SKAP1: variants seen among roughly 807,000 people sequenced by gnomAD.
SKAP1 encodes src kinase-associated phosphoprotein 1.
Under a neutral mutation model 58.5 loss-of-function variants are expected in SKAP1, and 44 were observed. The ratio of observed to expected loss-of-function variants is 0.75; its 90% CI spans 0.59 to 0.97. The LOEUF (loss-of-function observed/expected upper bound fraction) is 0.97, where lower values mean the gene tolerates loss of function less well. Among genes scored for constraint, SKAP1 ranks in the 50% least tolerant of loss-of-function variants. The pLI is 0.00. For synonymous variants in SKAP1, 127 were observed against 149.7 expected, an observed-to-expected ratio of 0.85 and a Z score of 1.11; for missense variants, 390 against 435.2, an observed-to-expected ratio of 0.90 and a Z score of 0.92.
At chr17:48,169,703 G>T (rs1393049910) in intron 10 of SKAP1, among the ~76,000 whole-genome samples, 1 of 152,118 alleles carries the variant, frequency 6.6e-6, no homozygotes, top group Non-Finnish European at 1.5e-5. Flanking sequence ...CTAGAAATGG[G>T]GGTTTTGCTG....
intron 9 of SKAP1, among the ~76,000 whole-genome samples, chr17:48,173,838 A>G (rs1469917113): frequency 6.6e-6 from 1 of 152,210 alleles, no homozygotes. Context: ...AAGCTTCACC[A>G]AAGATCTTTT....
intron 4 of SKAP1, chr17:48,344,313 C>G (rs2066693711): frequency 2.1e-6 from 1 of 483,722 alleles, no homozygotes; most frequent in Non-Finnish European, 2.7e-6. Context: ...ATTTGAAGCT[C>G]TACTGTGGGC....
In SKAP1 at chr17:48,178,568, A is replaced by G. The variant is rs557658477; in HGVS notation, c.826+1486T>C. 1.3e-4 allele frequency among the ~76,000 whole-genome samples: 20 copies of G among 152,244 alleles called. 1 individual carries two copies. The highest frequency in any genetic ancestry group is 2.9e-5 in the Non-Finnish European group (2 of 68,010). On this transcript the variant is annotated intron_variant, in intron 9 of 12. Transcript: ENST00000336915. ...AGCTGTGTTTTAATGTAGCAATTTG[A>G]TTCAATTTTCCACTCTATAAAATTA...
intron 2 of SKAP1, 77 bp downstream of exon 2, chr17:48,396,603 C>G: frequency 1.1e-6 from 1 of 938,874 alleles, no homozygotes; most frequent in Non-Finnish European, 1.7e-6. Flanking sequence ...GTATGTCTTA[C>G]CTTGTGACTT....
chr17:48,287,328 A>C (rs1191460392), intron 4 of SKAP1, among the ~76,000 whole-genome samples: 1 of 151,982 alleles, frequency 6.6e-6, no homozygotes, highest in East Asian at 1.9e-4. Flanking sequence ...TCTAATAAGC[A>C]ACCTAGGCTT....
chr17:48,367,758 A>G (rs1463021390), intron 2 of SKAP1, among the ~76,000 whole-genome samples: 1 of 151,524 alleles, frequency 6.6e-6, no homozygotes, highest in Non-Finnish European at 1.5e-5. Context: ...TCTCTACAAA[A>G]GGTATAAAAA....
intron 4 of SKAP1, among the ~76,000 whole-genome samples, chr17:48,273,207 G>C (rs937385032): frequency 2.8e-4 from 42 of 152,220 alleles, no homozygotes; most frequent in Middle Eastern, 6.8e-3. Flanking sequence ...TTACACTCCT[G>C]CAATTCCCAA....
chr17:48,376,155 G>T (rs7224936), intron 2 of SKAP1, among the ~76,000 whole-genome samples: 14,085 of 151,970 alleles, frequency 0.093, 1,001 homozygotes, highest in African/African-American at 0.17. Context: ...TTTTTTGCTT[G>T]CTTCAGGTTA....
chr17:48,435,378 G>C, the SKAP1 span, among the ~76,000 whole-genome samples: 1 of 152,154 alleles, frequency 6.6e-6, no homozygotes, highest in Non-Finnish European at 1.5e-5. Flanking sequence ...GGGATCTGAA[G>C]TGGAGATGGG....
chr17:48,146,501 A>AG (rs1263106436), intron 11 of SKAP1, among the ~76,000 whole-genome samples: 1 of 151,724 alleles, frequency 6.6e-6, no homozygotes, highest in African/African-American at 2.4e-5. Flanking sequence ...TAAAAAAAAA[A>AG]AAAACAATGA....
intron 2 of SKAP1, among the ~76,000 whole-genome samples, chr17:48,383,145 C>T (rs1179653348): frequency 6.6e-6 from 1 of 152,188 alleles, no homozygotes; most frequent in Admixed American, 6.5e-5. Context: ...ATAATCCTCA[C>T]CCGGCTTTTA....
At chr17:48,134,845 A>C (rs1174044523) in intron 12 of SKAP1, among the ~76,000 whole-genome samples, 1 of 151,906 alleles carries the variant, frequency 6.6e-6, no homozygotes, top group Non-Finnish European at 1.5e-5. Context: ...CTGGGATTAC[A>C]GGTGCCCGCC....
intron 3 of SKAP1, among the ~76,000 whole-genome samples, chr17:48,354,945 G>C (rs1399429344): frequency 6.6e-6 from 1 of 152,160 alleles, no homozygotes; most frequent in Non-Finnish European, 1.5e-5. Context: ...GTTTGTTAGA[G>C]GCACAAGTCT....
chr17:48,208,290 T>C (rs2064832768), intron 4 of SKAP1, among the ~76,000 whole-genome samples: 1 of 152,094 alleles, frequency 6.6e-6, no homozygotes, highest in South Asian at 2.1e-4. Flanking sequence ...ACCTCTACCA[T>C]TTGAAATGCT....
At chr17:48,373,546 T>C (rs887463623) in intron 2 of SKAP1, among the ~76,000 whole-genome samples, 2 of 152,212 alleles carry the variant, frequency 1.3e-5, no homozygotes, top group Non-Finnish European at 2.9e-5. Flanking sequence ...TAAGAGAAGA[T>C]ACAGTTGTTT....
intron 2 of SKAP1, among the ~76,000 whole-genome samples, chr17:48,377,832 A>G (rs1461194707): frequency 6.6e-6 from 1 of 152,202 alleles, no homozygotes; most frequent in Non-Finnish European, 1.5e-5. Flanking sequence ...AGACTTCACT[A>G]TAGTGCCTGC....
chr17:48,336,079 G>A (rs956171372), intron 4 of SKAP1, among the ~76,000 whole-genome samples: 1 of 152,042 alleles, frequency 6.6e-6, no homozygotes, highest in Non-Finnish European at 1.5e-5. Flanking sequence ...CTTTTACCAC[G>A]AGAGGGAGCT....
intron 4 of SKAP1, among the ~76,000 whole-genome samples, chr17:48,287,277 A>G (rs1405955994): frequency 6.6e-6 from 1 of 151,976 alleles, no homozygotes; most frequent in Non-Finnish European, 1.5e-5. Flanking sequence ...CATCCCTCAA[A>G]CCTACAAAAT....
At chr17:48,145,095 C>T (rs2063812270) in intron 11 of SKAP1, among the ~76,000 whole-genome samples, 2 of 152,020 alleles carry the variant, frequency 1.3e-5, no homozygotes, top group Non-Finnish European at 2.9e-5. Context: ...CTTCTTGCCA[C>T]AAAGTCTTTT....
Sources: allele counts gnomAD v4.1 joint callset (sites outside exome capture counted in the v4.1 genomes callset), GRCh38; gene constraint gnomAD v4.1.1; transcripts MANE v1.5; gene names NCBI Gene and HGNC (gene_info 2026-07-23, HGNC 2026-07-21).